The following ATP6V1E1 variants were observed in gnomAD, a reference collection of about 807,000 sequenced individuals.
ATP6V1E1 encodes V-type proton ATPase subunit E 1.
Under a neutral mutation model 35.2 loss-of-function variants are expected in ATP6V1E1, and 21 were observed. That is an observed-to-expected ratio of 0.60 (90% CI 0.42 to 0.86). The LOEUF is 0.86. Ranked by LOEUF, ATP6V1E1 falls within the 40% of genes least tolerant of loss-of-function variation. The pLI is 0.00. For missense variants in ATP6V1E1, 183 were observed against 272.6 expected (o/e 0.67, Z 2.32); for synonymous variants, 83 against 87.8 (o/e 0.95, Z 0.30).
At chr22:17,620,337 C>T (rs528315812) in intron 1 of ATP6V1E1, among the ~76,000 whole-genome samples, 130 of 151,924 alleles carry the variant, frequency 8.6e-4, no homozygotes, top group African/African-American at 3.1e-3. Context: ...TTAGTAGAGA[C>T]GGGGTTTCAC....
chr22:17,621,150 A>G (rs919964266), intron 1 of ATP6V1E1, among the ~76,000 whole-genome samples: 2 of 152,068 alleles, frequency 1.3e-5, no homozygotes, highest in Non-Finnish European at 2.9e-5. Flanking sequence ...TCTCAGCTAA[A>G]CTACTACAAC....
chr22:17,598,627 G>T (rs2057745446), intron 6 of ATP6V1E1, among the ~76,000 whole-genome samples: 1 of 152,150 alleles, frequency 6.6e-6, no homozygotes, highest in Non-Finnish European at 1.5e-5. Flanking sequence ...GGTAAGGAGA[G>T]AAGGGAGGGA....
At chr22:17,627,050 C>A (rs1309884668) in intron 1 of ATP6V1E1, among the ~76,000 whole-genome samples, 2 of 151,944 alleles carry the variant, frequency 1.3e-5, no homozygotes, top group Non-Finnish European at 2.9e-5. Context: ...AGTGCAGTGG[C>A]ACAATCTTGG....
intron 2 of ATP6V1E1, among the ~76,000 whole-genome samples, chr22:17,616,691 A>C (rs2057847108): frequency 6.6e-6 from 1 of 151,606 alleles, no homozygotes; most frequent in Non-Finnish European, 1.5e-5. Flanking sequence ...AAAAAAAAAA[A>C]AAAAAAGAAA....
At chr22:17,612,505 C>T in intron 4 of ATP6V1E1, 1 of 249,694 alleles carries the variant, frequency 4.0e-6, no homozygotes, top group African/African-American at 2.2e-5. Context: ...CAGCCTCACA[C>T]TCATGGCCTC....
intron 4 of ATP6V1E1, among the ~76,000 whole-genome samples, chr22:17,603,337 C>A (rs2057770759): frequency 6.6e-6 from 1 of 151,658 alleles, no homozygotes; most frequent in East Asian, 1.9e-4. Context: ...GCCGGGGCAA[C>A]AGAGTGAGAC....
rs142582670 is a variant in ATP6V1E1, at chr22:17,600,550, T to TCA, written c.367-457_367-456dup. ...AAGTTCCACTAACAGATGGCATATATCACATAAGACCATGGAAAGATCTAT... is the reference window on the plus strand; with the variant it reads ...AAGTTCCACTAACAGATGGCATATATCACACATAAGACCATGGAAAGATCTAT... On this transcript the variant is annotated intron_variant, in intron 5 of 8. Coordinates refer to ENST00000253413, the MANE Select transcript of ATP6V1E1 (RefSeq NM_001696.4). 9.3e-4 allele frequency: 146 copies of TCA among 157,068 alleles called. 1 individual carries two copies. In the East Asian group the frequency reaches 0.018, roughly 19 times the overall value. The allele number at this position is 157,068 out of a possible 1,614,324, so 9.7% of individuals were successfully genotyped here.
chr22:17,628,516 C>A, intron 1 of ATP6V1E1, 87 bp downstream of exon 1: 1 of 1,582,486 alleles, frequency 6.3e-7, no homozygotes, highest in Non-Finnish European at 8.7e-7. Flanking sequence ...CTGGGCGGCT[C>A]AAGGCCCGCG....
In ATP6V1E1 at chr22:17,616,918, G is replaced by A. The variant is rs2057848808; in HGVS notation, c.99+2543C>T. Among the ~76,000 whole-genome samples the A allele has an allele frequency of 1.8e-5, 2 of 109,544 alleles. 1 individual carries two copies. Among genetic ancestry groups the A allele is most frequent in the Admixed American group, 1.8e-4 (2 of 11,386 alleles). 71.9% of individuals were successfully genotyped at this position (109,544 alleles called of 152,430 possible). A position where few individuals can be genotyped will look rare whatever the true frequency, so the allele number is the denominator to read the frequency against. On this transcript the variant is annotated intron_variant, in intron 2 of 8. Transcript: ENST00000253413. Reference sequence around the variant, plus strand: ...AAAAAATTAGCCGGGTGTAGTGGCGGGCGCCTGTAGTCCCAGCTACTTGGG... The same window carrying A: ...AAAAAATTAGCCGGGTGTAGTGGCGAGCGCCTGTAGTCCCAGCTACTTGGG...
At chr22:17,614,918 G>A (rs1051396830) in intron 2 of ATP6V1E1, among the ~76,000 whole-genome samples, 2 of 150,300 alleles carry the variant, frequency 1.3e-5, no homozygotes, top group Admixed American at 6.6e-5. Flanking sequence ...GCAGTGAACC[G>A]AGATCGCGCC....
At chr22:17,618,860 T>C (rs1248658544) in intron 2 of ATP6V1E1, among the ~76,000 whole-genome samples, 1 of 151,532 alleles carries the variant, frequency 6.6e-6, no homozygotes, top group Admixed American at 6.6e-5. Flanking sequence ...ATTAGACAGG[T>C]GTGACGGTGC....
At chr22:17,606,516 A>C (rs558070931) in intron 4 of ATP6V1E1, among the ~76,000 whole-genome samples, 2 of 152,328 alleles carry the variant, frequency 1.3e-5, no homozygotes, top group South Asian at 4.1e-4. Context: ...AGAATAACTG[A>C]AATTACATAA....
At chr22:17,612,989 G>T in intron 3 of ATP6V1E1, 111 bp from the exon 4 acceptor site, 1 of 1,101,136 alleles carries the variant, frequency 9.1e-7, no homozygotes, top group Non-Finnish European at 1.3e-6. Context: ...CAAAGCACCA[G>T]GATTACAAGC....
chr22:17,594,531 G>A lies in ATP6V1E1; in HGVS notation c.616C>T (p.Gln206Ter). 1.3e-6 allele frequency: 2 copies of A among 1,580,694 alleles called. No individual in the cohort carries two copies. The highest frequency in any genetic ancestry group is 1.7e-6 in the Non-Finnish European group (2 of 1,163,444). ...CCAAGAAGTACCCCCACACTCACCT[G>A]CTGGGCTATGAGATCCAGCCGGCTT... ...LESRLDLIAQ[Q>*]MMPEVRGALF... Residue 206 changes from glutamine (Q) to a stop codon, truncating the protein, a stop_gained and splice_region_variant, in exon 8 of 9, where the codon CAG (glutamine) becomes TAG (stop). Coordinates refer to ENST00000253413, the MANE Select transcript of ATP6V1E1 (RefSeq NM_001696.4). LOFTEE classifies it high-confidence loss of function.
chr22:17,594,546 C>A lies in ATP6V1E1; in HGVS notation c.601G>T (p.Asp201Tyr). 1 of 1,591,924 alleles carries A rather than the reference C, an allele frequency of 6.3e-7. No homozygotes were observed. Among genetic ancestry groups the A allele is most frequent in the Non-Finnish European group, 8.6e-7 (1 of 1,169,350 alleles). ...KVSNTLESRL[D>Y]LIAQQMMPEV... ...ACACTCACCTGCTGGGCTATGAGATCCAGCCGGCTTTCCAGGGTGTTGGAA... is the reference window on the plus strand; with the variant it reads ...ACACTCACCTGCTGGGCTATGAGATACAGCCGGCTTTCCAGGGTGTTGGAA... Residue 201 changes from aspartate to tyrosine, a missense_variant, in exon 8 of 9, where the codon GAT becomes TAT. Coordinates refer to ENST00000253413, the MANE Select transcript of ATP6V1E1 (RefSeq NM_001696.4).
intron 4 of ATP6V1E1, among the ~76,000 whole-genome samples, chr22:17,603,952 A>G (rs1045211346): frequency 5.3e-5 from 8 of 152,198 alleles, no homozygotes. Flanking sequence ...AAATTAAGTA[A>G]TGTCAACTTG....
intron 2 of ATP6V1E1, among the ~76,000 whole-genome samples, chr22:17,617,034 C>T (rs375062656): frequency 3.4e-5 from 2 of 59,638 alleles, no homozygotes; most frequent in South Asian, 3.4e-4. Context: ...GGCGACAGAG[C>T]GAGACTCCGT....
At chr22:17,617,669 C>T (rs12159924) in intron 2 of ATP6V1E1, among the ~76,000 whole-genome samples, 55,234 of 152,014 alleles carry the variant, frequency 0.36, 10,545 homozygotes, top group African/African-American at 0.46. Flanking sequence ...AACATTTTGA[C>T]ATACTGTTAA....
chr22:17,617,914 A>T (rs1374606514), intron 2 of ATP6V1E1, among the ~76,000 whole-genome samples: 1 of 152,124 alleles, frequency 6.6e-6, no homozygotes, highest in Non-Finnish European at 1.5e-5. Flanking sequence ...GGATCAAGCG[A>T]TTCTCCCGCC....
Sources: gnomAD v4.1 joint callset for allele counts (sites outside exome capture counted in the v4.1 genomes callset) on GRCh38, gnomAD v4.1.1 for gene constraint, MANE v1.5 for transcripts, NCBI Gene and HGNC (gene_info 2026-07-23, HGNC 2026-07-21) for gene names.